Variants in LYPD6B observed in about 807,000 individuals in gnomAD.
LYPD6B encodes the protein LY6/PLAUR domain containing 6B, also known as ly6/PLAUR domain-containing protein 6B.
LYPD6B carries 17 observed loss-of-function variants against 22.8 expected under a neutral mutation model. That is an observed-to-expected ratio of 0.75 (90% CI 0.51 to 1.12). LYPD6B has a LOEUF of 1.12. Among genes scored for constraint, LYPD6B ranks in the 50% most tolerant of loss-of-function variants. The pLI is 0.00. For missense variants in LYPD6B, 221 were observed against 258.3 expected (o/e 0.86, Z 0.99); for synonymous variants, 106 against 91.6 (o/e 1.16, Z -0.90).
At chr2:149,049,552 C>T (rs532468258) in intron 1 of LYPD6B, among the ~76,000 whole-genome samples, 2 of 152,340 alleles carry the variant, frequency 1.3e-5, no homozygotes, top group African/African-American at 4.8e-5. Flanking sequence ...CTTAGTACCT[C>T]AGAGTGCTCT....
At chr2:149,059,691 C>G (rs892140151) in intron 1 of LYPD6B, among the ~76,000 whole-genome samples, 9 of 152,204 alleles carry the variant, frequency 5.9e-5, no homozygotes, top group Admixed American at 1.3e-4. Flanking sequence ...TGACCCTGGG[C>G]TGAAAGATGA....
intron 1 of LYPD6B, among the ~76,000 whole-genome samples, chr2:149,060,714 C>A (rs868630793): frequency 6.6e-6 from 1 of 152,090 alleles, no homozygotes. Flanking sequence ...AAGGTCTAGG[C>A]TCCCACCCAG....
At chr2:149,168,334 A>G (rs893948926) in intron 3 of LYPD6B, among the ~76,000 whole-genome samples, 1 of 152,040 alleles carries the variant, frequency 6.6e-6, no homozygotes, top group African/African-American at 2.4e-5. Context: ...TGTGCCCGTC[A>G]GGTTCCAGTC....
At chr2:149,108,223 T>C (rs1012852837) in intron 1 of LYPD6B, among the ~76,000 whole-genome samples, 2 of 152,176 alleles carry the variant, frequency 1.3e-5, no homozygotes, top group Non-Finnish European at 2.9e-5. Flanking sequence ...CCTCCTTGCC[T>C]TCCACCATGA....
At chr2:149,121,996 C>T (rs768593813) in intron 1 of LYPD6B, among the ~76,000 whole-genome samples, 1 of 152,126 alleles carries the variant, frequency 6.6e-6, no homozygotes, top group Non-Finnish European at 1.5e-5. Context: ...ATGGAAAAAC[C>T]CCAAACGAGA....
intron 2 of LYPD6B, among the ~76,000 whole-genome samples, chr2:149,158,531 G>C (rs1007276325): frequency 6.6e-6 from 1 of 152,092 alleles, no homozygotes. Context: ...GAGGAAATGG[G>C]GAATTAGCAT....
At chr2:149,052,204 G>A (rs1424346156) in intron 1 of LYPD6B, among the ~76,000 whole-genome samples, 7 of 151,718 alleles carry the variant, frequency 4.6e-5, no homozygotes, top group Non-Finnish European at 7.4e-5. Flanking sequence ...TTACAAGCAC[G>A]CCCCACCACA....
chr2:149,213,921 A>G (rs944778816), intron 6 of LYPD6B, among the ~76,000 whole-genome samples: 3 of 152,302 alleles, frequency 2.0e-5, no homozygotes, highest in African/African-American at 7.2e-5. Flanking sequence ...TGCCTTTATC[A>G]TACCTAGTCA....
At chr2:149,049,459 A>G (rs922522785) in intron 1 of LYPD6B, among the ~76,000 whole-genome samples, 5 of 152,202 alleles carry the variant, frequency 3.3e-5, no homozygotes, top group African/African-American at 7.2e-5. Flanking sequence ...TGATGCACCA[A>G]TGTGTTGCTT....
At chr2:149,075,159 C>G (rs954634887) in intron 1 of LYPD6B, among the ~76,000 whole-genome samples, 7 of 152,152 alleles carry the variant, frequency 4.6e-5, no homozygotes, top group African/African-American at 1.7e-4. Flanking sequence ...TAACTTTATG[C>G]TTTTGATTTT....
At chr2:149,056,833 C>G (rs749785351) in intron 1 of LYPD6B, among the ~76,000 whole-genome samples, 3 of 152,162 alleles carry the variant, frequency 2.0e-5, no homozygotes, top group Non-Finnish European at 4.4e-5. Context: ...TCAGCATTGT[C>G]CATAGATGCT....
chr2:149,148,372 AG>A (rs2105811681), intron 2 of LYPD6B, among the ~76,000 whole-genome samples: 1 of 152,338 alleles, frequency 6.6e-6, no homozygotes, highest in South Asian at 2.1e-4. Flanking sequence ...AAGAGATTAA[AG>A]GAGTGAAATT....
At chr2:149,201,476 G>C (rs754473665) in intron 3 of LYPD6B, among the ~76,000 whole-genome samples, 19 of 152,186 alleles carry the variant, frequency 1.2e-4, no homozygotes, top group Non-Finnish European at 2.2e-4. Flanking sequence ...TTAGTTCAGA[G>C]TCTCTGTGAA....
intron 4 of LYPD6B, 105 bp downstream of exon 4, chr2:149,205,509 G>A (rs1401548369): frequency 8.1e-7 from 1 of 1,228,900 alleles, no homozygotes; most frequent in Non-Finnish European, 1.1e-6. Flanking sequence ...CAGAACATTT[G>A]TTTTATCCCT....
chr2:149,167,091 G>C (rs867031043), intron 3 of LYPD6B, among the ~76,000 whole-genome samples: 28 of 147,774 alleles, frequency 1.9e-4, no homozygotes, highest in African/African-American at 7.0e-4. Context: ...CACTTTCCTC[G>C]TTTCTTATTC....
At chr2:149,072,617 G>T (rs1684674710) in intron 1 of LYPD6B, among the ~76,000 whole-genome samples, 1 of 151,384 alleles carries the variant, frequency 6.6e-6, no homozygotes, top group Non-Finnish European at 1.5e-5. Flanking sequence ...GCTCACTGCA[G>T]CCTCTGCCTC....
intron 1 of LYPD6B, among the ~76,000 whole-genome samples, chr2:149,080,253 G>A (rs2377510): frequency 0.35 from 52,777 of 151,990 alleles, 10,871 homozygotes; most frequent in Middle Eastern, 0.55. Flanking sequence ...AACTTGTGGT[G>A]TTCTCCCTGT....
intron 1 of LYPD6B, among the ~76,000 whole-genome samples, chr2:149,075,814 G>C (rs182824019): frequency 6.6e-6 from 1 of 152,192 alleles, no homozygotes; most frequent in South Asian, 2.1e-4. Context: ...TGAAAAGTAG[G>C]TAAGATAAAC....
intron 1 of LYPD6B, among the ~76,000 whole-genome samples, chr2:149,072,541 T>C (rs926017851): frequency 6.0e-5 from 8 of 134,196 alleles, no homozygotes; most frequent in South Asian, 2.4e-4. Context: ...TATTTCATTT[T>C]ATTTTATTTT....
Sources: gnomAD v4.1 joint callset for allele counts (sites outside exome capture counted in the v4.1 genomes callset) on GRCh38, gnomAD v4.1.1 for gene constraint, MANE v1.5 for transcripts, NCBI Gene and HGNC (gene_info 2026-07-23, HGNC 2026-07-21) for gene names.